The following PRKAB1 variants were observed in gnomAD, a reference collection of about 807,000 sequenced individuals.
PRKAB1 encodes the protein 5'-AMP-activated protein kinase subunit beta-1.
In PRKAB1, 18 loss-of-function variants were observed where a neutral mutation model predicts 32.0. The observed-to-expected ratio is 0.56, with a 90% CI of 0.39 to 0.83. The LOEUF is 0.83. PRKAB1 is among the 40% of genes least tolerant of loss of function. The pLI is 0.00. For missense variants in PRKAB1, 263 were observed against 352.6 expected, an observed-to-expected ratio of 0.75 and a Z score of 2.03; for synonymous variants, 141 against 141.4, an observed-to-expected ratio of 1.00 and a Z score of 0.02.
At chr12:119,673,465 C>A (rs1264970039) in intron 2 of PRKAB1, among the ~76,000 whole-genome samples, 1 of 152,220 alleles carries the variant, frequency 6.6e-6, no homozygotes, top group Non-Finnish European at 1.5e-5. Context: ...AGTCACAGGT[C>A]AGTTCAAGCC....
At chr12:119,671,206 C>G (rs192465435) in intron 1 of PRKAB1, among the ~76,000 whole-genome samples, 1 of 152,156 alleles carries the variant, frequency 6.6e-6, no homozygotes, top group Non-Finnish European at 1.5e-5. Context: ...TCTGGATTTG[C>G]CTATTTTCAA....
rs373070108 is a variant in PRKAB1, at chr12:119,669,236, C to G, written c.159+833C>G. Among the ~76,000 whole-genome samples, 3 of 151,478 alleles carry G rather than the reference C, an allele frequency of 2.0e-5. No individual in the cohort carries two copies. In the East Asian group the frequency reaches 5.8e-4, roughly 29 times the overall value. On this transcript the variant is annotated intron_variant, in intron 1 of 6. Coordinates refer to ENST00000229328, the MANE Select transcript of PRKAB1 (RefSeq NM_006253.5). Reference sequence around the variant, plus strand: ...TTGGCCTCCCAAAGTGCTGGGATCGCAGGCGTGAGCTACGGTGCTGGCCGG... The same window carrying G: ...TTGGCCTCCCAAAGTGCTGGGATCGGAGGCGTGAGCTACGGTGCTGGCCGG...
chr12:119,679,835 G>T lies in PRKAB1; in HGVS notation c.667-98G>T. The T allele has an allele frequency of 7.6e-7, 1 of 1,320,098 alleles. No individual in the cohort carries two copies. The allele number at this position is 1,320,098 out of a possible 1,614,324, so 81.8% of individuals were successfully genotyped here. A position where few individuals can be genotyped will look rare whatever the true frequency, so the allele number is the denominator to read the frequency against. ...TTTGGGAAGAGAGGTCGGCCTGAGC[G>T]CTGCCTCCTGTCCTTTGATATCTGG... On this transcript the variant is annotated intron_variant, in intron 5 of 6. Coordinates refer to ENST00000229328, the MANE Select transcript of PRKAB1 (RefSeq NM_006253.5). The surrounding 1 kb of genome is among the most constrained non-coding windows in gnomAD (Gnocchi z 4.1).
In PRKAB1 at chr12:119,676,676, T is replaced by C. The variant is rs1238858178; in HGVS notation, c.666+6T>C. On this transcript the variant is annotated splice_donor_region_variant and intron_variant, in intron 5 of 6. Coordinates refer to ENST00000229328, the MANE Select transcript of PRKAB1 (RefSeq NM_006253.5). ...ACAAGGACACGGGGATTTCCGTAAG[T>C]ATGTGGGCATCTGCCCGGACCATCC... is the stretch of plus-strand genomic sequence containing the variant. 1 of 1,613,134 alleles carries C rather than the reference T, an allele frequency of 6.2e-7. No individual in the cohort carries two copies. Among genetic ancestry groups the C allele is most frequent in the Non-Finnish European group, 8.5e-7 (1 of 1,179,498 alleles).
intron 1 of PRKAB1, among the ~76,000 whole-genome samples, chr12:119,670,303 C>T (rs938810620): frequency 5.3e-5 from 8 of 152,212 alleles, no homozygotes; most frequent in Admixed American, 3.3e-4. Context: ...TGTTAATCAT[C>T]ATCCATTTAA....
chr12:119,677,766 T>TTG (rs1555211643), intron 5 of PRKAB1: 1 of 143,576 alleles, frequency 7.0e-6, no homozygotes, highest in Non-Finnish European at 1.5e-5. Context: ...GGTTTGTTTT[T>TTG]TTTTTTTTTT....
rs1388787355 is a variant in PRKAB1, at chr12:119,674,456, T to TA, written c.532+3dup. 6.3e-7 allele frequency: 1 copy of TA among 1,597,350 alleles called. No homozygotes were observed. The highest frequency in any genetic ancestry group is 8.6e-7 in the Non-Finnish European group (1 of 1,164,672). On this transcript the variant is annotated splice_region_variant and intron_variant, in intron 4 of 6. Coordinates refer to ENST00000229328, the MANE Select transcript of PRKAB1 (RefSeq NM_006253.5). This position sits in a 1 kb window ranked among gnomAD's most constrained non-coding sequence, Gnocchi z 4.3. ...CCCAAAAGTGCTCCGATGTGTCTGG[T>TA]ATGAACACAGTTATTTTATACCACA...
At position 119,681,350 on chromosome 12, in the gene PRKAB1, G is replaced by A. The variant is rs574985307; in HGVS notation, c.*1025G>A. ...CAGCCTTCTGAGTCTGGGTCAGGAA[G>A]ATGTCCTTTGGACCAAAGCAGACTT... On this transcript the variant is annotated 3_prime_UTR_variant, in exon 7 of 7. Transcript: ENST00000229328. 1 of 152,374 alleles carries A rather than the reference G, an allele frequency of 6.6e-6. No individual in the cohort carries two copies. Among genetic ancestry groups the A allele is most frequent in the African/African-American group, 2.4e-5 (1 of 41,574 alleles). The allele number at this position is 152,374 out of a possible 1,614,324, so 9.4% of individuals were successfully genotyped here. A position where few individuals can be genotyped will look rare whatever the true frequency, so the allele number is the denominator to read the frequency against.
chr12:119,679,729 G>A lies in PRKAB1; in HGVS notation c.667-204G>A. On this transcript the variant is annotated intron_variant, in intron 5 of 6. Transcript: ENST00000229328. The surrounding 1 kb of genome is among the most constrained non-coding windows in gnomAD (Gnocchi z 4.1). ...AGACACACACCGATGCCTCCAGCAG[G>A]CATGCAGGGAGCTCCCTTCAGGTCA... The A allele has an allele frequency of 1.7e-6, 1 of 584,382 alleles. No homozygotes were observed. The allele number at this position is 584,382 out of a possible 1,614,324, so 36.2% of individuals were successfully genotyped here. A position where few individuals can be genotyped will look rare whatever the true frequency, so the allele number is the denominator to read the frequency against.
At chr12:119,672,530 T>G in intron 2 of PRKAB1, 66 bp downstream of exon 2, 17 of 1,399,458 alleles carry the variant, frequency 1.2e-5, no homozygotes, top group Non-Finnish European at 1.6e-5. Flanking sequence ...AAAACATCTC[T>G]GAGAGAGAAC....
At position 119,680,100 on chromosome 12, in the gene PRKAB1, G is replaced by A. The variant is rs1955452955; in HGVS notation, c.735+99G>A. ...CCTGGCGGGACTGACTTAAAGGGCA[G>A]CTTCCAGGGTCTGGCACAGGCCATC... is the stretch of plus-strand genomic sequence containing the variant. On this transcript the variant is annotated intron_variant, in intron 6 of 6. Coordinates refer to ENST00000229328, the MANE Select transcript of PRKAB1 (RefSeq NM_006253.5). The A allele has an allele frequency of 1.5e-5, 23 of 1,508,968 alleles. 1 individual carries two copies. The highest frequency in any genetic ancestry group is 2.0e-5 in the Non-Finnish European group (22 of 1,087,496). 93.5% of individuals were successfully genotyped at this position (1,508,968 alleles called of 1,614,324 possible).
intron 1 of PRKAB1, chr12:119,671,574 T>C: frequency 2.9e-6 from 1 of 350,298 alleles, no homozygotes; most frequent in Non-Finnish European, 5.8e-6. Context: ...ACTCACTCAC[T>C]GTCAGAGAAC....
chr12:119,675,069 C>T (rs1218319566), intron 4 of PRKAB1, among the ~76,000 whole-genome samples: 1 of 152,354 alleles, frequency 6.6e-6, no homozygotes, highest in East Asian at 1.9e-4. Flanking sequence ...GCTTTCCCTC[C>T]AAGCCCCACA....
rs199606165 is a variant in PRKAB1, at chr12:119,672,422, C to A, written c.281C>A (p.Ser94Tyr). 4.9e-5 allele frequency: 78 copies of A among 1,606,112 alleles called. No individual in the cohort carries two copies. Among genetic ancestry groups the A allele is most frequent in the Non-Finnish European group, 6.0e-5 (71 of 1,176,140 alleles). The change falls in exon 2 of 7, where the codon TCT (serine) becomes TAT (tyrosine). Residue 94 changes from serine (S) to tyrosine (Y), a missense_variant. Transcript: ENST00000229328. The part of the protein sequence containing the change: ...WTGGGKEVYL[S>Y]GSFNNWSKLP... ...GGGGGCGGAAAGGAAGTTTACTTAT[C>A]TGGGTCCTTCAACAACTGGAGTAAA... is the stretch of plus-strand genomic sequence containing the variant.
rs1020914648 is a variant in PRKAB1 at position 119,680,064 on chromosome 12, C to T, written c.735+63C>T. ...CAGTGTGTGCTCTGAGGACCCCCAG[C>T]AGTGGAATGACCTGGCGGGACTGAC... On this transcript the variant is annotated intron_variant, in intron 6 of 6. Transcript: ENST00000229328. 13 of 1,558,514 alleles carry T rather than the reference C, an allele frequency of 8.3e-6. No homozygotes were observed. In the East Asian group the frequency reaches 2.9e-4, roughly 35 times the overall value.
intron 5 of PRKAB1, among the ~76,000 whole-genome samples, 196 bp downstream of exon 5, chr12:119,676,866 T>C (rs1017918356): frequency 6.6e-6 from 1 of 152,250 alleles, no homozygotes; most frequent in Non-Finnish European, 1.5e-5. Context: ...TGCCTCGTCT[T>C]GCAAAGCCTT....
chr12:119,679,817 A>C lies in PRKAB1; in HGVS notation c.667-116A>C. The C allele has an allele frequency of 1.8e-6, 2 of 1,115,122 alleles. No individual in the cohort carries two copies. The highest frequency in any genetic ancestry group is 1.5e-5 in the African/African-American group (1 of 65,356). 69.1% of individuals were successfully genotyped at this position (1,115,122 alleles called of 1,614,324 possible). A position where few individuals can be genotyped will look rare whatever the true frequency, so the allele number is the denominator to read the frequency against. The stretch of plus-strand genomic sequence containing the variant: ...AGCCCTTGCGCTGCCTGATTTGGGA[A>C]GAGAGGTCGGCCTGAGCGCTGCCTC... On this transcript the variant is annotated intron_variant, in intron 5 of 6. Transcript: ENST00000229328. The surrounding 1 kb of genome is among the most constrained non-coding windows in gnomAD (Gnocchi z 4.1).
rs1468852044 is a variant in PRKAB1, at chr12:119,672,446, A to T, written c.305A>T (p.Lys102Ile). 1 of 1,589,308 alleles carries T rather than the reference A, an allele frequency of 6.3e-7. No homozygotes were observed. Among genetic ancestry groups the T allele is most frequent in the Admixed American group, 1.8e-5 (1 of 56,846 alleles). The change falls in exon 2 of 7, where the codon AAA becomes ATA. Residue 102 changes from lysine (K) to isoleucine (I), a missense_variant. By Grantham distance (102) the Lys-to-Ile change is moderately radical. Coordinates refer to ENST00000229328, the MANE Select transcript of PRKAB1 (RefSeq NM_006253.5). ...YLSGSFNNWS[K>I]LPLTRSHNNF... The stretch of plus-strand genomic sequence containing the variant: ...TCTGGGTCCTTCAACAACTGGAGTA[A>T]ACTTCCCCTCACCAGAAGGTAATTG...
intron 5 of PRKAB1, 115 bp downstream of exon 5, chr12:119,676,785 G>C: frequency 7.4e-7 from 1 of 1,356,626 alleles, no homozygotes; most frequent in South Asian, 1.4e-5. Flanking sequence ...TCACCCCCTA[G>C]TGTGAACTGT....
Sources: gnomAD v4.1 joint callset for allele counts (sites outside exome capture counted in the v4.1 genomes callset) on GRCh38, gnomAD v4.1.1 for gene constraint, Gnocchi (gnomAD v3.1) non-coding constraint, MANE v1.5 for transcripts, NCBI Gene and HGNC (gene_info 2026-07-23, HGNC 2026-07-21) for gene names.